The following PACSIN2 variants were observed in gnomAD, a reference collection of about 807,000 sequenced individuals.
PACSIN2 encodes protein kinase C and casein kinase substrate in neurons 2.
PACSIN2 carries 25 observed loss-of-function variants against 63.8 expected under a neutral mutation model. That is an observed-to-expected ratio of 0.39 (90% CI 0.29 to 0.55). PACSIN2 has a LOEUF of 0.55. PACSIN2 is among the 20% of genes least tolerant of loss of function. The pLI, the probability that PACSIN2 is intolerant of heterozygous loss-of-function variation, is 0.62. For missense variants in PACSIN2, 518 were observed against 646.9 expected (o/e 0.80, Z 2.16); for synonymous variants, 255 against 256.2 (o/e 1.00, Z 0.05).
chr22:42,925,727 C>G (rs1198234647), intron 1 of PACSIN2, among the ~76,000 whole-genome samples: 1 of 152,190 alleles, frequency 6.6e-6, no homozygotes, highest in Non-Finnish European at 1.5e-5. Context: ...AGAATTCTTT[C>G]GTAAACACTA....
intron 1 of PACSIN2, among the ~76,000 whole-genome samples, chr22:42,997,376 G>A (rs1923477413): frequency 6.6e-6 from 1 of 152,102 alleles, no homozygotes; most frequent in South Asian, 2.1e-4. Context: ...GGCTAACATG[G>A]TAAAACCCTG....
At position 42,901,628 on chromosome 22, in the gene PACSIN2, C is replaced by A. The variant is rs534911194; in HGVS notation, c.61-8015G>T. The stretch of plus-strand genomic sequence containing the variant: ...CCCAGGATAGGAGGGGTTTACACTG[C>A]ACGGTAGGTTTCTTCCCAGCCAGCT... On this transcript the variant is annotated intron_variant, in intron 2 of 10. Transcript: ENST00000263246. 2.1e-3 allele frequency among the ~76,000 whole-genome samples: 319 copies of A among 152,320 alleles called. 1 individual carries two copies. The highest frequency in any genetic ancestry group is 3.6e-3 in the Non-Finnish European group (245 of 68,040).
chr22:42,910,311 T>C (rs966153173), intron 2 of PACSIN2, among the ~76,000 whole-genome samples: 10 of 152,160 alleles, frequency 6.6e-5, no homozygotes, highest in African/African-American at 2.2e-4. Context: ...TCCCCATAAC[T>C]GGAAAGGTTT....
At chr22:42,887,532 C>T (rs142834966) in intron 5 of PACSIN2, among the ~76,000 whole-genome samples, 1 of 152,256 alleles carries the variant, frequency 6.6e-6, no homozygotes, top group Non-Finnish European at 1.5e-5. Flanking sequence ...CCTCTCTCTA[C>T]CTCATTCCGT....
chr22:42,872,163 G>A (rs1459342654), intron 10 of PACSIN2, among the ~76,000 whole-genome samples: 2 of 152,246 alleles, frequency 1.3e-5, no homozygotes, highest in Non-Finnish European at 2.9e-5. Context: ...TTGGGTAGAA[G>A]AGGAGATACA....
chr22:43,011,810 C>T (rs1436950415), intron 1 of PACSIN2, among the ~76,000 whole-genome samples: 2 of 151,418 alleles, frequency 1.3e-5, no homozygotes, highest in Non-Finnish European at 2.9e-5. Context: ...TCAGGAGTTC[C>T]AGATCAGCCT....
At chr22:42,898,268 C>A (rs992846851) in intron 2 of PACSIN2, among the ~76,000 whole-genome samples, 1 of 138,284 alleles carries the variant, frequency 7.2e-6, no homozygotes, top group Non-Finnish European at 1.6e-5. Context: ...AGAGAACCTC[C>A]TTCCTTTTCT....
chr22:42,994,182 A>G (rs1379347488), intron 1 of PACSIN2, among the ~76,000 whole-genome samples: 1 of 152,198 alleles, frequency 6.6e-6, no homozygotes, highest in Non-Finnish European at 1.5e-5. Flanking sequence ...TTTGGGTAAA[A>G]TGACAGTGCA....
intron 1 of PACSIN2, chr22:42,959,956 T>C (rs1351665480): frequency 6.6e-6 from 1 of 152,250 alleles, no homozygotes; most frequent in Admixed American, 6.5e-5. Flanking sequence ...TCCCATACAC[T>C]GCTGCATTCG....
chr22:42,919,584 C>G (rs538685765), intron 1 of PACSIN2, among the ~76,000 whole-genome samples: 1 of 151,744 alleles, frequency 6.6e-6, no homozygotes, highest in Non-Finnish European at 1.5e-5. Context: ...ACCAGCCTGG[C>G]CAACATGGTG....
At chr22:42,986,584 A>G (rs1922627310) in intron 1 of PACSIN2, among the ~76,000 whole-genome samples, 1 of 152,106 alleles carries the variant, frequency 6.6e-6, no homozygotes, top group Non-Finnish European at 1.5e-5. Context: ...CATGACAGTG[A>G]CACTCTAATG....
intron 3 of PACSIN2, among the ~76,000 whole-genome samples, chr22:42,891,655 C>G (rs988059225): frequency 3.3e-5 from 5 of 152,226 alleles, no homozygotes; most frequent in African/African-American, 1.2e-4. Context: ...ATCCATTCGC[C>G]TCGGCCTCCC....
At chr22:42,974,340 G>C (rs745874831) in intron 1 of PACSIN2, among the ~76,000 whole-genome samples, 4 of 152,296 alleles carry the variant, frequency 2.6e-5, no homozygotes, top group Non-Finnish European at 5.9e-5. Flanking sequence ...CTGTTAATTA[G>C]ATATGATCTA....
intron 1 of PACSIN2, among the ~76,000 whole-genome samples, chr22:42,926,222 A>G (rs1217384480): frequency 6.6e-6 from 1 of 152,226 alleles, no homozygotes; most frequent in African/African-American, 2.4e-5. Context: ...AACGGGAAAC[A>G]GCTTGCGCAT....
rs1420265855 is a variant in PACSIN2 at position 43,006,919 on chromosome 22, C to A, written c.-78+8102G>T. On this transcript the variant is annotated intron_variant, in intron 1 of 10. Transcript: ENST00000263246. The stretch of plus-strand genomic sequence containing the variant: ...AATGAGTCAAGGCTGAGGCCATTCC[C>A]ACTCGAAAAGCCCTTCTCATTAGAG... 2.0e-5 allele frequency among the ~76,000 whole-genome samples: 3 copies of A among 152,202 alleles called. No homozygotes were observed. In the South Asian group the frequency reaches 6.2e-4, roughly 32 times the overall value.
At chr22:42,977,347 T>C (rs1921773503) in intron 1 of PACSIN2, among the ~76,000 whole-genome samples, 1 of 151,684 alleles carries the variant, frequency 6.6e-6, no homozygotes, top group Non-Finnish European at 1.5e-5. Context: ...AACAATCCAG[T>C]AGACGGAAAA....
intron 1 of PACSIN2, among the ~76,000 whole-genome samples, chr22:42,992,911 C>A (rs1923137863): frequency 6.6e-6 from 1 of 152,214 alleles, no homozygotes; most frequent in Admixed American, 6.5e-5. Flanking sequence ...CACCTGTAAT[C>A]CTAGCACTCT....
chr22:42,914,247 T>A (rs1230583162), intron 1 of PACSIN2, among the ~76,000 whole-genome samples: 1 of 152,234 alleles, frequency 6.6e-6, no homozygotes, highest in African/African-American at 2.4e-5. Flanking sequence ...GTAATTTTTT[T>A]TTTTAGGTGG....
intron 1 of PACSIN2, among the ~76,000 whole-genome samples, chr22:42,977,442 G>A (rs912571113): frequency 2.0e-5 from 3 of 152,062 alleles, no homozygotes; most frequent in Non-Finnish European, 4.4e-5. Context: ...CCAGTACTCA[G>A]GAAAACACAA....
Sources: allele counts gnomAD v4.1 joint callset (sites outside exome capture counted in the v4.1 genomes callset), GRCh38; gene constraint gnomAD v4.1.1; transcripts MANE v1.5; gene names NCBI Gene and HGNC (gene_info 2026-07-23, HGNC 2026-07-21).